WFS1: variants seen among roughly 807,000 people sequenced by gnomAD.
The protein encoded by WFS1 is wolframin ER transmembrane glycoprotein.
In WFS1, 90 loss-of-function variants were observed where a neutral mutation model predicts 68.5. The ratio of observed to expected loss-of-function variants is 1.31; its 90% confidence interval spans 1.11 to 1.56. WFS1 has a LOEUF of 1.56. WFS1 is among the 40% of genes most tolerant of loss of function. WFS1 has a pLI of 0.00. For synonymous variants in WFS1, 860 were observed against 540.7 expected, an observed-to-expected ratio of 1.59 and a Z score of -8.19; for missense variants, 1,767 against 1,232.6, an observed-to-expected ratio of 1.43 and a Z score of -6.49.
chr4:6,302,144 C>T lies in WFS1; in HGVS notation c.2349C>T (p.Phe783=), dbSNP rs759746525. The part of the protein sequence containing the change: ...YKFEITVGMP[F]SSGADGSRSR... ...TTGAGATTACCGTGGGCATGCCATT[C>T]AGCAGCGGCGCTGACGGCTCGCGCA... Residue 783 remains phenylalanine (F), a synonymous_variant, in exon 8 of 8, where the codon TTC becomes TTT. Transcript: ENST00000226760. 17 of 1,612,976 alleles carry T rather than the reference C, an allele frequency of 1.1e-5. No individual in the cohort carries two copies. Among genetic ancestry groups the T allele is most frequent in the Non-Finnish European group, 1.4e-5 (16 of 1,179,996 alleles).
In WFS1 at chr4:6,288,996, C is replaced by A. The variant is rs112871383; in HGVS notation, c.325C>A (p.His109Asn). The A allele has an allele frequency of 6.2e-7, 1 of 1,608,704 alleles. No individual in the cohort carries two copies. The change falls in exon 4 of 8, where the codon CAC becomes AAC. Residue 109 changes from histidine (H) to asparagine (N), a missense_variant. Coordinates refer to ENST00000226760, the MANE Select transcript of WFS1 (RefSeq NM_006005.3). The stretch of plus-strand genomic sequence containing the variant: ...GGTGTCTGGCTTGCAGGTGGGGAAG[C>A]ACTACCTGCAGTTGGCCGGCGACAC... Reference protein sequence around the residue: ...DPKAQTEVGKHYLQLAGDTDE... With the variant: ...DPKAQTEVGKNYLQLAGDTDE...
Position 6,283,978 on chromosome 4 carries a change from G to A in WFS1, c.233-3115G>A, listed in dbSNP as rs181379791. On this transcript the variant is annotated intron_variant, in intron 2 of 7. Transcript: ENST00000226760. This position sits in a 1 kb window ranked among gnomAD's most constrained non-coding sequence, Gnocchi z 5.0. ...TGCTGGGATTTGCCTTTGAGCCCAC[G>A]AAGGCTCCTACTTCATGGACTGAGC... 2.9e-3 allele frequency among the ~76,000 whole-genome samples: 437 copies of A among 152,248 alleles called. 1 individual carries two copies. The highest frequency in any genetic ancestry group is 0.01 in the Middle Eastern group (3 of 294).
intron 4 of WFS1, 104 bp downstream of exon 4, chr4:6,289,235 T>G: frequency 7.0e-7 from 1 of 1,426,284 alleles, no homozygotes; most frequent in East Asian, 2.5e-5. Context: ...ACGCTGGTGA[T>G]GCTGTTGGGA....
chr4:6,290,449 G>T (rs1424065249), intron 4 of WFS1, among the ~76,000 whole-genome samples: 2 of 152,246 alleles, frequency 1.3e-5, no homozygotes, highest in Non-Finnish European at 2.9e-5. Context: ...GAGGCTGCTG[G>T]GGCAGAGCGT....
At chr4:6,281,869 C>T (rs1333793013) in intron 2 of WFS1, among the ~76,000 whole-genome samples, 2 of 152,208 alleles carry the variant, frequency 1.3e-5, no homozygotes, top group African/African-American at 4.8e-5. Flanking sequence ...TGAGGACTGG[C>T]CACAGGATCT....
rs56141488 is a variant in WFS1, at chr4:6,288,752, C to G, written c.316-235C>G. The G allele has an allele frequency of 0.046, 27,724 of 601,152 alleles. 831 individuals carry two copies. Among genetic ancestry groups the G allele is most frequent in the Middle Eastern group, 0.088 (192 of 2,192 alleles). 37.2% of individuals were successfully genotyped at this position (601,152 alleles called of 1,614,324 possible). A position where few individuals can be genotyped will look rare whatever the true frequency, so the allele number is the denominator to read the frequency against. On this transcript the variant is annotated intron_variant, in intron 3 of 7. Coordinates refer to ENST00000226760, the MANE Select transcript of WFS1 (RefSeq NM_006005.3). ...TACCAGTACCAGTCGGAGCCCGTGT[C>G]TCCCTCGCCGTGTGGATGGGGTGGC...
Position 6,300,927 on chromosome 4 carries a change from A to T in WFS1, c.1132A>T (p.Thr378Ser), listed in dbSNP as rs770138866. 1 of 1,613,932 alleles carries T rather than the reference A, an allele frequency of 6.2e-7. No individual in the cohort carries two copies. ...GGCCTGGGAGAACTTCCGCACCCTC[A>T]CCGACCTGCTGCTGCGCTTCGAGCC... is the stretch of plus-strand genomic sequence containing the variant. ...SKAWENFRTL[T>S]DLLLRFEPNL... Residue 378 changes from threonine to serine, a missense_variant, in exon 8 of 8, where the codon ACC (threonine) becomes TCC (serine). Thr to Ser is a moderately conservative substitution (Grantham distance 58). Coordinates refer to ENST00000226760, the MANE Select transcript of WFS1 (RefSeq NM_006005.3).
In WFS1 at chr4:6,302,012, C is replaced by T. The variant is rs2109127246; in HGVS notation, c.2217C>T (p.Tyr739=). 1 of 1,612,776 alleles carries T rather than the reference C, an allele frequency of 6.2e-7. No individual in the cohort carries two copies. The highest frequency in any genetic ancestry group is 1.1e-5 in the South Asian group (1 of 91,056). ...TGCGCTGCCTCTACGGCGAGGCCTACCCTGCCTGCAGCCCTGGCAACACCT... is the reference window on the plus strand; with the variant it reads ...TGCGCTGCCTCTACGGCGAGGCCTATCCTGCCTGCAGCCCTGGCAACACCT... ...DWMRCLYGEA[Y]PACSPGNTST... Residue 739 remains tyrosine, a synonymous_variant, in exon 8 of 8, where the codon TAC becomes TAT. Transcript: ENST00000226760.
Position 6,302,342 on chromosome 4 carries a change from C to A in WFS1, c.2547C>A (p.Asn849Lys), listed in dbSNP as rs764127854. ...VFELKAISCLNCMAQLSPTRR... is the reference protein window; with the variant it reads ...VFELKAISCLKCMAQLSPTRR... Reference sequence around the variant, plus strand: ...AGCTCAAGGCCATCAGCTGCCTCAACTGCATGGCCCAGCTCTCACCCACCA... The same window carrying A: ...AGCTCAAGGCCATCAGCTGCCTCAAATGCATGGCCCAGCTCTCACCCACCA... Residue 849 changes from asparagine to lysine, a missense_variant, in exon 8 of 8, where the codon AAC (asparagine) becomes AAA (lysine). Asn to Lys is a moderately conservative substitution (Grantham distance 94). Coordinates refer to ENST00000226760, the MANE Select transcript of WFS1 (RefSeq NM_006005.3). The A allele has an allele frequency of 1.9e-6, 3 of 1,612,838 alleles. No individual in the cohort carries two copies. Among genetic ancestry groups the A allele is most frequent in the Non-Finnish European group, 2.5e-6 (3 of 1,179,970 alleles).
Position 6,301,711 on chromosome 4 carries a change from G to A in WFS1, c.1916G>A (p.Trp639Ter). ...TCCATGGTCAAGCTCATCCTGGTGT[G>A]GCTCACGGCCATCGTGCTGTTCTGC... ...RSSMVKLILVWLTAIVLFCWF... is the reference protein window; with the variant it reads ...RSSMVKLILV Residue 639 changes from tryptophan (W) to a stop codon, truncating the protein, a stop_gained, in exon 8 of 8, where the codon TGG becomes TAG. Transcript: ENST00000226760. LOFTEE classifies it high-confidence loss of function. 6.2e-7 allele frequency: 1 copy of A among 1,614,046 alleles called. No homozygotes were observed. The highest frequency in any genetic ancestry group is 8.5e-7 in the Non-Finnish European group (1 of 1,180,040).
chr4:6,287,391 A>G lies in WFS1; in HGVS notation c.315+216A>G. 1 of 585,242 alleles carries G rather than the reference A, an allele frequency of 1.7e-6. No homozygotes were observed. Among genetic ancestry groups the G allele is most frequent in the Non-Finnish European group, 3.1e-6 (1 of 323,086 alleles). 36.3% of individuals were successfully genotyped at this position (585,242 alleles called of 1,614,324 possible). A position where few individuals can be genotyped will look rare whatever the true frequency, so the allele number is the denominator to read the frequency against. The stretch of plus-strand genomic sequence containing the variant: ...GGCACTCCTCTGGGGAGCAGCGCTC[A>G]TCCCCCTTTTGTCCAACTCACACCT... On this transcript the variant is annotated intron_variant, in intron 3 of 7. Transcript: ENST00000226760. This position sits in a 1 kb window ranked among gnomAD's most constrained non-coding sequence, Gnocchi z 6.4.
At chr4:6,281,838 G>A (rs1327017591) in intron 2 of WFS1, among the ~76,000 whole-genome samples, 2 of 152,188 alleles carry the variant, frequency 1.3e-5, no homozygotes, top group East Asian at 3.8e-4. Flanking sequence ...ATGTGCTCCT[G>A]CTGAGCCCCC....
rs766359455 is a variant in WFS1 at position 6,291,266 on chromosome 4, G to A, written c.530G>A (p.Arg177His). ...GAGACCGACCTGGAGAGGGCCGTGCGCAAGGCAGCCCTGGTCATGTACTGG... is the reference window on the plus strand; with the variant it reads ...GAGACCGACCTGGAGAGGGCCGTGCACAAGGCAGCCCTGGTCATGTACTGG... ...SSETDLERAV[R>H]KAALVMYWKL... The change falls in exon 5 of 8, where the codon CGC (arginine) becomes CAC (histidine). Residue 177 changes from arginine to histidine, a missense_variant. Physicochemically the swap from Arg to His is conservative, Grantham distance 29 (BLOSUM62 0). Transcript: ENST00000226760. The A allele has an allele frequency of 3.1e-6, 5 of 1,613,290 alleles. No homozygotes were observed. Among genetic ancestry groups the A allele is most frequent in the Non-Finnish European group, 4.2e-6 (5 of 1,179,994 alleles).
rs1578610822 is a variant in WFS1 at position 6,301,496 on chromosome 4, C to T, written c.1701C>T (p.Leu567=). 6.2e-7 allele frequency: 1 copy of T among 1,613,392 alleles called. No individual in the cohort carries two copies. The highest frequency in any genetic ancestry group is 8.5e-7 in the Non-Finnish European group (1 of 1,179,900). The change falls in exon 8 of 8, where the codon CTC becomes CTT. Residue 567 remains leucine (L), a synonymous_variant. Coordinates refer to ENST00000226760, the MANE Select transcript of WFS1 (RefSeq NM_006005.3). ...CCTCCATCGGCTACTTCCTCTTCCTCTTTGCCCTCCCCATCCTGGTGGCCG... is the reference window on the plus strand; with the variant it reads ...CCTCCATCGGCTACTTCCTCTTCCTTTTTGCCCTCCCCATCCTGGTGGCCG... ...LRASIGYFLF[L]FALPILVAGL... is the part of the protein sequence containing the mutation.
chr4:6,277,365 C>G (rs1209281985), intron 1 of WFS1, 86 bp from the exon 2 acceptor site: 2 of 1,334,802 alleles, frequency 1.5e-6, no homozygotes, highest in Admixed American at 3.9e-5. Context: ...ACCTGCCTCC[C>G]TCTGCTTTTC....
chr4:6,288,318 C>G (rs931599017), intron 3 of WFS1, among the ~76,000 whole-genome samples: 7 of 152,140 alleles, frequency 4.6e-5, no homozygotes, highest in South Asian at 2.1e-4. Context: ...GCGGGGGGAG[C>G]ATAGTAAGCC....
At position 6,300,281 on chromosome 4, in the gene WFS1, C is replaced by T. The variant is rs1261945356; in HGVS notation, c.862-376C>T. ...AAAACCAGCTCCCAGACAGGCATCT[C>T]AGGGCTCCGTCATCTCTTCATGTGG... is the stretch of plus-strand genomic sequence containing the variant. On this transcript the variant is annotated intron_variant, in intron 7 of 7. Transcript: ENST00000226760. Among the ~76,000 whole-genome samples, 6 of 152,282 alleles carry T rather than the reference C, an allele frequency of 3.9e-5. No individual in the cohort carries two copies. The East Asian group carries it at 9.7e-4, about 25-fold the overall frequency.
Position 6,287,266 on chromosome 4 carries a change from G to C in WFS1, c.315+91G>C, listed in dbSNP as rs973358267. 6 of 1,215,488 alleles carry C rather than the reference G, an allele frequency of 4.9e-6. No homozygotes were observed. Among genetic ancestry groups the C allele is most frequent in the Non-Finnish European group, 1.2e-6 (1 of 845,332 alleles). 75.3% of individuals were successfully genotyped at this position (1,215,488 alleles called of 1,614,324 possible). On this transcript the variant is annotated intron_variant, in intron 3 of 7. Transcript: ENST00000226760. This position sits in a 1 kb window ranked among gnomAD's most constrained non-coding sequence, Gnocchi z 6.4. Reference sequence around the variant, plus strand: ...GCTCCACAGCCCACAGAGAAGTGTCGGTGCCTGAGATCGGGGTCAGGAGCC... The same window carrying C: ...GCTCCACAGCCCACAGAGAAGTGTCCGTGCCTGAGATCGGGGTCAGGAGCC...
In WFS1 at chr4:6,283,251, G is replaced by A. The variant is rs1730215931; in HGVS notation, c.233-3842G>A. On this transcript the variant is annotated intron_variant, in intron 2 of 7. Coordinates refer to ENST00000226760, the MANE Select transcript of WFS1 (RefSeq NM_006005.3). This position sits in a 1 kb window ranked among gnomAD's most constrained non-coding sequence, Gnocchi z 5.0. ...GGTGTTCTCCATAGAACCTCACAGA[G>A]GGAAGGAGACCTGCCCATGGTATCC... is the stretch of plus-strand genomic sequence containing the variant. 6.6e-6 allele frequency among the ~76,000 whole-genome samples: 1 copy of A among 152,192 alleles called. No homozygotes were observed. Among genetic ancestry groups the A allele is most frequent in the African/African-American group, 2.4e-5 (1 of 41,438 alleles).
Sources: allele counts gnomAD v4.1 joint callset (sites outside exome capture counted in the v4.1 genomes callset), GRCh38; gene constraint gnomAD v4.1.1; non-coding constraint Gnocchi (gnomAD v3.1); transcripts MANE v1.5; gene names NCBI Gene and HGNC (gene_info 2026-07-23, HGNC 2026-07-21).